DRC11: variants seen among roughly 807,000 people sequenced by gnomAD.
The protein encoded by DRC11 is IQ and AAA domain-containing protein 1.
chr2:236,446,374 G>A, the DRC11 span, among the ~76,000 whole-genome samples: 2 of 152,170 alleles, frequency 1.3e-5, no homozygotes, highest in Non-Finnish European at 2.9e-5. This position sits in a 1 kb window ranked among gnomAD's most constrained non-coding sequence, Gnocchi z 6.2. Context: ...AACAGATGGG[G>A]TCCGAGGCAC....
At chr2:236,349,112 T>C in the DRC11 span, among the ~76,000 whole-genome samples, 1 of 152,134 alleles carries the variant, frequency 6.6e-6, no homozygotes, top group African/African-American at 2.4e-5. This position sits in a 1 kb window ranked among gnomAD's most constrained non-coding sequence, Gnocchi z 5.5. Flanking sequence ...CCACAGTCTA[T>C]TCATGGCACT....
the DRC11 span, among the ~76,000 whole-genome samples, chr2:236,317,039 T>G: frequency 2.2e-4 from 33 of 152,216 alleles, no homozygotes; most frequent in African/African-American, 7.7e-4. The surrounding 1 kb of genome is among the most constrained non-coding windows in gnomAD (Gnocchi z 5.4). Context: ...CTCACGCCTG[T>G]AATCCCAGCA....
At chr2:236,478,546 T>C in the DRC11 span, among the ~76,000 whole-genome samples, 7 of 152,164 alleles carry the variant, frequency 4.6e-5, no homozygotes, top group Admixed American at 1.3e-4. This position sits in a 1 kb window ranked among gnomAD's most constrained non-coding sequence, Gnocchi z 5.9. Flanking sequence ...GTCAGTTAGG[T>C]CCATTTGGTC....
chr2:236,469,549 C>T, the DRC11 span, among the ~76,000 whole-genome samples: 2 of 152,178 alleles, frequency 1.3e-5, no homozygotes, highest in Non-Finnish European at 2.9e-5. This position sits in a 1 kb window ranked among gnomAD's most constrained non-coding sequence, Gnocchi z 5.8. Context: ...CTTCCCGGCT[C>T]CTTTAGTGCT....
At chr2:236,356,978 CATATATT>C in the DRC11 span, among the ~76,000 whole-genome samples, 1 of 85,406 alleles carries the variant, frequency 1.2e-5, no homozygotes, top group Non-Finnish European at 2.6e-5. Flanking sequence ...ATTATATATT[CATATATT>C]ATATATCTAT....
chr2:236,441,682 CAGAT>C, the DRC11 span, among the ~76,000 whole-genome samples: 6 of 152,102 alleles, frequency 3.9e-5, no homozygotes, highest in African/African-American at 7.2e-5. Context: ...AAGGGGTAGA[CAGAT>C]AGTATTCTTA....
chr2:236,454,007 C>T, the DRC11 span, among the ~76,000 whole-genome samples: 3 of 152,146 alleles, frequency 2.0e-5, no homozygotes, highest in African/African-American at 7.2e-5. This position sits in a 1 kb window ranked among gnomAD's most constrained non-coding sequence, Gnocchi z 5.3. Context: ...GGATGGCATG[C>T]AGAGGGCAGC....
chr2:236,355,247 T>A, the DRC11 span, among the ~76,000 whole-genome samples: 66 of 152,310 alleles, frequency 4.3e-4, no homozygotes, highest in African/African-American at 1.5e-3. Context: ...TCTGTCTGTG[T>A]TCCTCACTGT....
the DRC11 span, among the ~76,000 whole-genome samples, chr2:236,428,267 T>C: frequency 5.9e-5 from 9 of 152,278 alleles, 2 homozygotes; most frequent in South Asian, 1.9e-3. Flanking sequence ...TAAAGTGTAG[T>C]TCAAGTTCAT....
At chr2:236,472,670 C>G in the DRC11 span, among the ~76,000 whole-genome samples, 2 of 152,212 alleles carry the variant, frequency 1.3e-5, no homozygotes, top group Non-Finnish European at 2.9e-5. The surrounding 1 kb of genome is among the most constrained non-coding windows in gnomAD (Gnocchi z 4.6). Flanking sequence ...ATCCCAAGCT[C>G]CAGGCTAGAC....
chr2:236,320,710 A>G, the DRC11 span, among the ~76,000 whole-genome samples: 3 of 152,160 alleles, frequency 2.0e-5, no homozygotes, highest in Non-Finnish European at 4.4e-5. Context: ...GGTATTAATT[A>G]CTGTCCCCTC....
At chr2:236,384,633 G>C in the DRC11 span, among the ~76,000 whole-genome samples, 1 of 151,812 alleles carries the variant, frequency 6.6e-6, no homozygotes, top group Non-Finnish European at 1.5e-5. Flanking sequence ...TGATGGTAGT[G>C]TCTTTTGCTG....
the DRC11 span, among the ~76,000 whole-genome samples, chr2:236,470,187 ATGGACAT>A: frequency 1.3e-5 from 2 of 152,192 alleles, no homozygotes; most frequent in Non-Finnish European, 2.9e-5. This position sits in a 1 kb window ranked among gnomAD's most constrained non-coding sequence, Gnocchi z 5.1. Flanking sequence ...GTAAGAGAAA[ATGGACAT>A]TTGTCCAAAT....
chr2:236,422,141 G>T, the DRC11 span, among the ~76,000 whole-genome samples: 16 of 152,124 alleles, frequency 1.1e-4, 1 homozygote, highest in South Asian at 8.3e-4. Context: ...CTTTGAAAAC[G>T]GGCACAAGAC....
the DRC11 span, among the ~76,000 whole-genome samples, chr2:236,432,739 C>T: frequency 6.6e-6 from 1 of 152,002 alleles, no homozygotes; most frequent in Non-Finnish European, 1.5e-5. Context: ...TCATTGTTTC[C>T]ATGTAGGATT....
the DRC11 span, among the ~76,000 whole-genome samples, chr2:236,360,022 C>T: frequency 3.3e-5 from 5 of 152,234 alleles, no homozygotes; most frequent in Admixed American, 1.3e-4. The surrounding 1 kb of genome is among the most constrained non-coding windows in gnomAD (Gnocchi z 5.8). Context: ...ACGCAAAGAT[C>T]GCTTATCTGG....
At chr2:236,318,163 C>G in the DRC11 span, among the ~76,000 whole-genome samples, 3 of 135,216 alleles carry the variant, frequency 2.2e-5, no homozygotes, top group African/African-American at 8.1e-5. This position sits in a 1 kb window ranked among gnomAD's most constrained non-coding sequence, Gnocchi z 7.0. Flanking sequence ...CAGCTGGGAG[C>G]TGGGTGTCTG....
chr2:236,491,317 C>A, the DRC11 span, among the ~76,000 whole-genome samples: 1 of 141,754 alleles, frequency 7.1e-6, no homozygotes, highest in East Asian at 2.1e-4. Flanking sequence ...TTATGAGACA[C>A]CAAAGGCCAT....
the DRC11 span, among the ~76,000 whole-genome samples, chr2:236,406,214 T>C: frequency 6.6e-6 from 1 of 152,248 alleles, no homozygotes; most frequent in African/African-American, 2.4e-5. This position sits in a 1 kb window ranked among gnomAD's most constrained non-coding sequence, Gnocchi z 4.7. Context: ...CAAAATATCT[T>C]TGTGAAATTA....
Sources: allele counts gnomAD v4.1 joint callset (sites outside exome capture counted in the v4.1 genomes callset), GRCh38; gene constraint gnomAD v4.1.1; non-coding constraint Gnocchi (gnomAD v3.1); transcripts MANE v1.5; gene names NCBI Gene and HGNC (gene_info 2026-07-23, HGNC 2026-07-21).